The following SEMA5A variants were observed in gnomAD, a reference collection of about 807,000 sequenced individuals.
SEMA5A encodes the protein semaphorin-5A.
SEMA5A carries 55 observed loss-of-function variants against 135.5 expected under a neutral mutation model. The observed-to-expected ratio is 0.41, with a 90% CI of 0.33 to 0.51. The LOEUF (loss-of-function observed/expected upper bound fraction) is 0.51. Ranked by LOEUF, SEMA5A falls within the 20% of genes least tolerant of loss-of-function variation. The pLI, the probability that SEMA5A is intolerant of heterozygous loss-of-function variation, is 0.37. For missense variants in SEMA5A, 1,290 were observed against 1,419.9 expected, an observed-to-expected ratio of 0.91 and a Z score of 1.47; for synonymous variants, 580 against 546.5, an observed-to-expected ratio of 1.06 and a Z score of -0.85.
rs67762219 is a variant in SEMA5A, at chr5:9,109,028, ATTTTTTTTTT to A, written c.1926-751_1926-742del. Among the ~76,000 whole-genome samples the A allele has an allele frequency of 1.8e-4, 17 of 92,442 alleles. No homozygotes were observed. In the South Asian group the frequency reaches 2.2e-3, roughly 12 times the overall value. The allele number at this position is 92,442 out of a possible 152,430, so 60.6% of individuals were successfully genotyped here. A position where few individuals can be genotyped will look rare whatever the true frequency, so the allele number is the denominator to read the frequency against. On this transcript the variant is annotated intron_variant, in intron 15 of 22. Coordinates refer to ENST00000382496, the MANE Select transcript of SEMA5A (RefSeq NM_003966.3). ...TCATGAGTCATATTATTTCTCTTCA[ATTTTTTTTTT>A]TTTTTTTTTTTTTTTTTTTTGAGAC...
Position 9,201,989 on chromosome 5 carries a change from G to A in SEMA5A, c.898C>T (p.Leu300=), listed in dbSNP as rs374524162. ...ELQSTFFLPE[L]DLIYGIFTTN... ...GTAAAGATGCCATAGATCAAATCCAGCTCAGGCAGGAAGAAAGTACTCTGC... is the reference window on the plus strand; with the variant it reads ...GTAAAGATGCCATAGATCAAATCCAACTCAGGCAGGAAGAAAGTACTCTGC... The change falls in exon 9 of 23, where the codon CTG becomes TTG. Residue 300 remains leucine (L), a synonymous_variant. Coordinates refer to ENST00000382496, the MANE Select transcript of SEMA5A (RefSeq NM_003966.3). 39 of 1,614,048 alleles carry A rather than the reference G, an allele frequency of 2.4e-5. No individual in the cohort carries two copies. Among genetic ancestry groups the A allele is most frequent in the Non-Finnish European group, 3.1e-5 (37 of 1,180,030 alleles).
chr5:9,446,636 T>C (rs115532460), intron 1 of SEMA5A, among the ~76,000 whole-genome samples: 1 of 152,272 alleles, frequency 6.6e-6, no homozygotes, highest in Non-Finnish European at 1.5e-5. Flanking sequence ...AAAAAGGGTG[T>C]CTGAGACCCT....
chr5:9,264,945 T>C (rs1749603823), intron 5 of SEMA5A, among the ~76,000 whole-genome samples: 1 of 152,130 alleles, frequency 6.6e-6, no homozygotes, highest in South Asian at 2.1e-4. Flanking sequence ...CTAAGTACAT[T>C]ATCCCTTGTT....
intron 2 of SEMA5A, among the ~76,000 whole-genome samples, chr5:9,389,654 A>G (rs1756064242): frequency 6.6e-6 from 1 of 152,050 alleles, no homozygotes; most frequent in South Asian, 2.1e-4. Context: ...TCTGGAATCC[A>G]TGCCCTCCTC....
intron 2 of SEMA5A, among the ~76,000 whole-genome samples, chr5:9,433,801 A>G (rs1354517875): frequency 6.6e-6 from 1 of 152,230 alleles, no homozygotes; most frequent in Non-Finnish European, 1.5e-5. Flanking sequence ...TTTTAGCAAA[A>G]TAAATTCTCC....
Position 9,314,854 on chromosome 5 carries a change from C to T in SEMA5A, c.270+3518G>A, listed in dbSNP as rs149055804. 1.1e-3 allele frequency among the ~76,000 whole-genome samples: 170 copies of T among 152,158 alleles called. 1 individual carries two copies. The highest frequency in any genetic ancestry group is 4.0e-3 in the African/African-American group (164 of 41,518). On this transcript the variant is annotated intron_variant, in intron 5 of 22. Coordinates refer to ENST00000382496, the MANE Select transcript of SEMA5A (RefSeq NM_003966.3). ...GCAGTCTGACCTCTATCATTAGAGC[C>T]GCATTTTTAAAACCACAGTTCAAAA...
chr5:9,249,880 A>T (rs1748682512), intron 5 of SEMA5A, among the ~76,000 whole-genome samples: 1 of 152,216 alleles, frequency 6.6e-6, no homozygotes, highest in East Asian at 1.9e-4. Flanking sequence ...GGAAGAAAGG[A>T]CATCTAAGCT....
chr5:9,440,671 G>A (rs1168691364), intron 1 of SEMA5A, among the ~76,000 whole-genome samples: 1 of 152,198 alleles, frequency 6.6e-6, no homozygotes, highest in Non-Finnish European at 1.5e-5. Context: ...ACTACATGAA[G>A]AAGATTGAAT....
At chr5:9,525,481 C>T (rs978982872) in intron 1 of SEMA5A, among the ~76,000 whole-genome samples, 5 of 152,180 alleles carry the variant, frequency 3.3e-5, no homozygotes, top group Non-Finnish European at 2.9e-5. Context: ...GCTCTCAATG[C>T]AACAGTTCAA....
At chr5:9,128,658 C>T (rs1741243010) in intron 13 of SEMA5A, among the ~76,000 whole-genome samples, 1 of 152,150 alleles carries the variant, frequency 6.6e-6, no homozygotes, top group Non-Finnish European at 1.5e-5. Flanking sequence ...CATATACAGT[C>T]TATATGATTT....
intron 8 of SEMA5A, among the ~76,000 whole-genome samples, chr5:9,212,474 C>T (rs1166436490): frequency 6.6e-6 from 1 of 152,106 alleles, no homozygotes; most frequent in African/African-American, 2.4e-5. Flanking sequence ...ACTTAATGTT[C>T]CAGATTCATC....
rs35633508 is a variant in SEMA5A at position 9,133,784 on chromosome 5, C to CTTTT, written c.1599+2716_1599+2719dup. Among the ~76,000 whole-genome samples, 4 of 142,862 alleles carry CTTTT rather than the reference C, an allele frequency of 2.8e-5. No homozygotes were observed. The South Asian group carries it at 6.6e-4, about 24-fold the overall frequency. The allele number at this position is 142,862 out of a possible 152,430, so 93.7% of individuals were successfully genotyped here. On this transcript the variant is annotated intron_variant, in intron 13 of 22. Transcript: ENST00000382496. ...ATTAAATCTTTCCTTTTCTTTCTTT[C>CTTTT]TTTTTTTTTTTTTTGAGACAGGTCT...
intron 3 of SEMA5A, among the ~76,000 whole-genome samples, chr5:9,375,620 G>A (rs1260565048): frequency 1.3e-5 from 2 of 148,248 alleles, no homozygotes; most frequent in Middle Eastern, 3.2e-3. Flanking sequence ...GCAGTAATTT[G>A]TTACAGCAGC....
At chr5:9,498,259 C>T (rs962104877) in intron 1 of SEMA5A, 4 of 152,130 alleles carry the variant, frequency 2.6e-5, no homozygotes, top group Non-Finnish European at 5.9e-5. Context: ...CATAACCATC[C>T]TGGGGCCAGG....
At chr5:9,394,153 G>T (rs996039599) in intron 2 of SEMA5A, among the ~76,000 whole-genome samples, 8 of 152,168 alleles carry the variant, frequency 5.3e-5, no homozygotes, top group African/African-American at 1.9e-4. Flanking sequence ...AACAACAGAG[G>T]TATTCCCCAG....
At chr5:9,445,527 G>T (rs2126690622) in intron 1 of SEMA5A, among the ~76,000 whole-genome samples, 1 of 152,104 alleles carries the variant, frequency 6.6e-6, no homozygotes, top group Admixed American at 6.6e-5. Context: ...AAATTAGCCG[G>T]GTGTGGTGGC....
chr5:9,484,622 A>T (rs1414972621), intron 1 of SEMA5A, among the ~76,000 whole-genome samples: 1 of 152,202 alleles, frequency 6.6e-6, no homozygotes, highest in East Asian at 1.9e-4. Context: ...CGGTTTATTA[A>T]TCATTATAAA....
At chr5:9,181,516 C>A (rs759456292) in intron 11 of SEMA5A, among the ~76,000 whole-genome samples, 1 of 152,118 alleles carries the variant, frequency 6.6e-6, no homozygotes, top group Non-Finnish European at 1.5e-5. Flanking sequence ...CCACCAAACA[C>A]ACACAGTCAC....
chr5:9,069,692 C>G (rs1737669396), intron 16 of SEMA5A, among the ~76,000 whole-genome samples: 1 of 152,098 alleles, frequency 6.6e-6, no homozygotes, highest in African/African-American at 2.4e-5. Context: ...TGATTTAATA[C>G]TCTCTAGGCA....
Sources: gnomAD v4.1 joint callset for allele counts (sites outside exome capture counted in the v4.1 genomes callset) on GRCh38, gnomAD v4.1.1 for gene constraint, MANE v1.5 for transcripts, NCBI Gene and HGNC (gene_info 2026-07-23, HGNC 2026-07-21) for gene names.